The following PCDHGB7 variants were observed in gnomAD, a reference collection of about 807,000 sequenced individuals.
PCDHGB7 encodes protocadherin gamma-B7.
A neutral mutation model predicts 61.4 loss-of-function variants in PCDHGB7; 37 were observed. The ratio of observed to expected loss-of-function variants is 0.60; its 90% CI spans 0.46 to 0.79. The LOEUF is 0.79. Ranked by LOEUF, PCDHGB7 falls within the 30% of genes least tolerant of loss-of-function variation. PCDHGB7 has a pLI of 0.00. For synonymous variants in PCDHGB7, 464 were observed against 503.5 expected (o/e 0.92, Z 1.05); for missense variants, 1,166 against 1,202.5 (o/e 0.97, Z 0.45).
At chr5:141,422,696 ACT>A in intron 1 of PCDHGB7, 1 of 1,602,756 alleles carries the variant, frequency 6.2e-7, no homozygotes, top group Non-Finnish European at 8.5e-7. Flanking sequence ...CTGGTCACTT[ACT>A]CTCTGACGGA....
At chr5:141,457,514 CAATT>C (rs1258794594) in intron 1 of PCDHGB7, among the ~76,000 whole-genome samples, 2 of 152,260 alleles carry the variant, frequency 1.3e-5, no homozygotes, top group African/African-American at 4.8e-5. Context: ...AGCTTAAAAA[CAATT>C]AATGAGACTA....
In PCDHGB7 at chr5:141,454,796, A is replaced by ATTTTTT. The variant is rs61612330; in HGVS notation, c.2415+34546_2415+34551dup. Among the ~76,000 whole-genome samples the ATTTTTT allele has an allele frequency of 4.9e-3, 381 of 77,456 alleles. 41 individuals carry two copies. The highest frequency in any genetic ancestry group is 0.011 in the African/African-American group (178 of 16,882). 50.8% of individuals were successfully genotyped at this position (77,456 alleles called of 152,430 possible). ...AAGGAAATAATCCTCCATGGTTCTA[A>ATTTTTT]TTTTTTTTTTTTTTTTTTTTTTTTT... On this transcript the variant is annotated intron_variant, in intron 1 of 3. Coordinates refer to ENST00000398594, the MANE Select transcript of PCDHGB7 (RefSeq NM_018927.4).
At chr5:141,504,696 G>T (rs2099840373) in intron 2 of PCDHGB7, among the ~76,000 whole-genome samples, 1 of 151,438 alleles carries the variant, frequency 6.6e-6, no homozygotes, top group African/African-American at 2.4e-5. Flanking sequence ...GGAGGGGCAG[G>T]TTCTTCTATG....
chr5:141,509,577 C>G (rs569743928), intron 3 of PCDHGB7, among the ~76,000 whole-genome samples: 2 of 152,320 alleles, frequency 1.3e-5, no homozygotes, highest in African/African-American at 2.4e-5. Context: ...ACAGTGCGTA[C>G]AAATCAGCTG....
intron 1 of PCDHGB7, among the ~76,000 whole-genome samples, chr5:141,465,038 G>T (rs1297185291): frequency 6.6e-6 from 1 of 151,642 alleles, no homozygotes; most frequent in Non-Finnish European, 1.5e-5. Flanking sequence ...CACCACAAAT[G>T]ACCCTATATA....
chr5:141,420,905 T>TA (rs545324172), intron 1 of PCDHGB7: 3 of 299,970 alleles, frequency 1.0e-5, no homozygotes, highest in Non-Finnish European at 1.9e-5. Flanking sequence ...GCTCTACAAA[T>TA]ACGTGTGATT....
chr5:141,432,601 G>C lies in PCDHGB7; in HGVS notation c.2415+12327G>C. The C allele has an allele frequency of 6.2e-7, 1 of 1,613,952 alleles. No homozygotes were observed. The highest frequency in any genetic ancestry group is 8.5e-7 in the Non-Finnish European group (1 of 1,179,984). On this transcript the variant is annotated intron_variant, in intron 1 of 3. Coordinates refer to ENST00000398594, the MANE Select transcript of PCDHGB7 (RefSeq NM_018927.4). The surrounding 1 kb of genome is among the most constrained non-coding windows in gnomAD (Gnocchi z 6.0). ...ACCGTCTGCTCAAGGCCAGCGAGCC[G>C]GGACTCTTCTCGGTGGGTCTGCACA...
At chr5:141,423,642 T>C (rs1293550754) in intron 1 of PCDHGB7, 2 of 1,596,770 alleles carry the variant, frequency 1.3e-6, no homozygotes, top group African/African-American at 2.7e-5. Flanking sequence ...TAGGCAAATG[T>C]GACCCGACAA....
At position 141,419,604 on chromosome 5, in the gene PCDHGB7, C is replaced by T. The variant is rs1279434352; in HGVS notation, c.1745C>T (p.Ala582Val). ...SALFDTVPRA[A>V]QPGYLVTKVV... is the part of the protein sequence containing the mutation. The stretch of plus-strand genomic sequence containing the variant: ...CTCTTCGACACAGTGCCGCGGGCCG[C>T]GCAGCCAGGCTACCTGGTGACCAAG... Residue 582 changes from alanine to valine, a missense_variant, in exon 1 of 4, where the codon GCG (alanine) becomes GTG (valine). Ala to Val is a moderately conservative substitution (Grantham distance 64). Transcript: ENST00000398594. 6.2e-7 allele frequency: 1 copy of T among 1,611,850 alleles called. No homozygotes were observed. Among genetic ancestry groups the T allele is most frequent in the East Asian group, 2.2e-5 (1 of 44,870 alleles).
intron 1 of PCDHGB7, among the ~76,000 whole-genome samples, chr5:141,444,152 ATTTTTTTTTTTTTTTT>A (rs747671382): frequency 6.3e-3 from 214 of 33,896 alleles, no homozygotes; most frequent in African/African-American, 0.023. Flanking sequence ...TGTGTACTGG[ATTTTTTTTTTTTTTTT>A]TTTTTTTTTT....
chr5:141,424,203 GC>G (rs777832241), intron 1 of PCDHGB7: 3 of 175,740 alleles, frequency 1.7e-5, no homozygotes, highest in Non-Finnish European at 3.6e-5. Flanking sequence ...ATACACGTAA[GC>G]TTTTCTCTGA....
chr5:141,484,805 A>G (rs1594417928), intron 1 of PCDHGB7, among the ~76,000 whole-genome samples: 1 of 151,896 alleles, frequency 6.6e-6, no homozygotes, highest in East Asian at 1.9e-4. Context: ...CCGTGGAAAA[A>G]CATGCCGTTG....
intron 1 of PCDHGB7, chr5:141,423,577 G>A (rs1348410879): frequency 6.2e-7 from 1 of 1,613,478 alleles, no homozygotes; most frequent in Non-Finnish European, 8.5e-7. Context: ...CATCAGCCAG[G>A]AGAGCTGTGA....
At position 141,489,886 on chromosome 5, in the gene PCDHGB7, G is replaced by A; in HGVS notation, c.2416-4921G>A. ...ACATCAGCTGGTGCTTACTGCTGTG[G>A]ATGGGGGGACCCCAGCCCGCTCAGG... is the stretch of plus-strand genomic sequence containing the variant. On this transcript the variant is annotated intron_variant, in intron 1 of 3. Transcript: ENST00000398594. This position sits in a 1 kb window ranked among gnomAD's most constrained non-coding sequence, Gnocchi z 4.5. 6.2e-7 allele frequency: 1 copy of A among 1,614,256 alleles called. No individual in the cohort carries two copies. The highest frequency in any genetic ancestry group is 8.5e-7 in the Non-Finnish European group (1 of 1,180,044).
At chr5:141,427,059 G>C (rs751016646) in intron 1 of PCDHGB7, 1 of 457,744 alleles carries the variant, frequency 2.2e-6, no homozygotes, top group South Asian at 1.5e-5. Context: ...AGGCACCTCT[G>C]TACTAAAGGT....
Position 141,483,506 on chromosome 5 carries a change from T to A in PCDHGB7, c.2416-11301T>A, listed in dbSNP as rs964063329. ...AGGGACAGGGATGAGTCAAGGCTGA[T>A]CCCCCTAGATCCTGACTAAGGAAGC... On this transcript the variant is annotated intron_variant, in intron 1 of 3. Coordinates refer to ENST00000398594, the MANE Select transcript of PCDHGB7 (RefSeq NM_018927.4). Among the ~76,000 whole-genome samples the A allele has an allele frequency of 2.7e-5, 4 of 148,396 alleles. No individual in the cohort carries two copies. In the South Asian group the frequency reaches 8.5e-4, roughly 32 times the overall value.
At chr5:141,448,921 G>A (rs1323304761) in intron 1 of PCDHGB7, among the ~76,000 whole-genome samples, 3 of 152,120 alleles carry the variant, frequency 2.0e-5, no homozygotes, top group Admixed American at 1.3e-4. Flanking sequence ...CTCCAGCCTG[G>A]GCGACAGAGC....
chr5:141,431,216 C>A lies in PCDHGB7; in HGVS notation c.2415+10942C>A. On this transcript the variant is annotated intron_variant, in intron 1 of 3. Coordinates refer to ENST00000398594, the MANE Select transcript of PCDHGB7 (RefSeq NM_018927.4). The surrounding 1 kb of genome is among the most constrained non-coding windows in gnomAD (Gnocchi z 4.8). ...AAATGCAGCCACTGAGATGCGGTTC[C>A]CTCTACCCCACGCCTGGGATCCGGA... The A allele has an allele frequency of 6.2e-7, 1 of 1,614,162 alleles. No homozygotes were observed. The highest frequency in any genetic ancestry group is 8.5e-7 in the Non-Finnish European group (1 of 1,180,048).
At chr5:141,450,556 G>T (rs534127421) in intron 1 of PCDHGB7, among the ~76,000 whole-genome samples, 1 of 151,940 alleles carries the variant, frequency 6.6e-6, no homozygotes, top group African/African-American at 2.4e-5. Flanking sequence ...GCGCAGTCTC[G>T]GCTCACTGCA....
Sources: allele counts gnomAD v4.1 joint callset (sites outside exome capture counted in the v4.1 genomes callset), GRCh38; gene constraint gnomAD v4.1.1; non-coding constraint Gnocchi (gnomAD v3.1); transcripts MANE v1.5; gene names NCBI Gene and HGNC (gene_info 2026-07-23, HGNC 2026-07-21).